The following PRAMEF33 variants were observed in gnomAD, a reference collection of about 807,000 sequenced individuals.
PRAMEF33 encodes the protein PRAME family member 33, also known as PRAME family member 10-like.
A neutral mutation model predicts 28.1 loss-of-function variants in PRAMEF33; 5 were observed. The observed-to-expected ratio is 0.18, with a 90% CI of 0.09 to 0.37. The LOEUF (loss-of-function observed/expected upper bound fraction) is 0.37, where lower values mean the gene tolerates loss of function less well. PRAMEF33 is among the 10% of genes least tolerant of loss of function. The pLI, the probability that PRAMEF33 is intolerant of heterozygous loss-of-function variation, is 1.00. For missense variants in PRAMEF33, 62 were observed against 471.1 expected, an observed-to-expected ratio of 0.13 and a Z score of 8.04; for synonymous variants, 28 against 183.2, an observed-to-expected ratio of 0.15 and a Z score of 6.84.
intron 1 of PRAMEF33, chr1:13,305,684 A>G: frequency 2.0e-6 from 1 of 499,678 alleles, no homozygotes; most frequent in Non-Finnish European, 3.5e-6. Flanking sequence ...CTATGAGTTT[A>G]TTGCAACAGT....
rs1639897527 is a variant in PRAMEF33 at position 13,308,584 on chromosome 1, C to G, written c.1122C>G (p.Ser374Arg). ...TCAGGGTCCTCCTGCCTGCCCTGAG[C>G]CACTGTTCCCAGCTCACCACCTTCA... ...PQLRVLLPAL[S>R]HCSQLTTFNF... The change falls in exon 4 of 4, where the codon AGC (serine) becomes AGG (arginine). Residue 374 changes from serine (S) to arginine (R), a missense_variant. Ser to Arg is a moderately radical substitution (Grantham distance 110). Transcript: ENST00000437300. 2 of 1,222,090 alleles carry G rather than the reference C, an allele frequency of 1.6e-6. No homozygotes were observed. The highest frequency in any genetic ancestry group is 3.3e-5 in the African/African-American group (2 of 60,370). 75.7% of individuals were successfully genotyped at this position (1,222,090 alleles called of 1,614,324 possible).
chr1:13,307,733 G>C (rs1182353308), intron 3 of PRAMEF33: 1 of 80,982 alleles, frequency 1.2e-5, no homozygotes, highest in Non-Finnish European at 2.5e-5. Context: ...AAATGTCACC[G>C]GGCATGCAGA....
intron 1 of PRAMEF33, chr1:13,305,161 C>T (rs2100290765): frequency 2.2e-5 from 1 of 45,982 alleles, no homozygotes; most frequent in South Asian, 7.5e-4. Flanking sequence ...CTCCTGGGTT[C>T]AAGCGATCCT....
rs1464065189 is a variant in PRAMEF33 at position 13,308,902 on chromosome 1, G to A, written c.*15G>A. ...TTTGCTCCTAGGGAAGGCCTGGTTC[G>A]TGGGATGGATAAGCTTTTTTCTGGA... On this transcript the variant is annotated 3_prime_UTR_variant, in exon 4 of 4. Transcript: ENST00000437300. 107 of 1,600,766 alleles carry A rather than the reference G, an allele frequency of 6.7e-5. 6 individuals are homozygous for A. Among genetic ancestry groups the A allele is most frequent in the African/African-American group, 1.2e-4 (9 of 72,840 alleles).
chr1:13,308,869 C>A lies in PRAMEF33; in HGVS notation c.1407C>A (p.Asp469Glu). ...GCTCATGGCCATCTGAGAAAGTGGACTTCCATCTTTGCTCCTAGGGAAGGC... is the reference window on the plus strand; with the variant it reads ...GCTCATGGCCATCTGAGAAAGTGGAATTCCATCTTTGCTCCTAGGGAAGGC... ...TCGSWPSEKV[D>E]FHLCS Residue 469 changes from aspartate to glutamate, a missense_variant, in exon 4 of 4, where the codon GAC (aspartate) becomes GAA (glutamate). Asp to Glu is a conservative substitution (Grantham distance 45). Coordinates refer to ENST00000437300, the MANE Select transcript of PRAMEF33 (RefSeq NM_001291381.1). 1.2e-6 allele frequency: 2 copies of A among 1,605,010 alleles called. No individual in the cohort carries two copies. The highest frequency in any genetic ancestry group is 1.4e-5 in the African/African-American group (1 of 73,484).
Position 13,308,062 on chromosome 1 carries a change from G to C in PRAMEF33, c.867-267G>C, listed in dbSNP as rs1188000363. ...AGTGGTACCAATCACACAGGCAAGG[G>C]TGAAAGGACTGAGCCTAAAATGGAG... On this transcript the variant is annotated intron_variant, in intron 3 of 3. Coordinates refer to ENST00000437300, the MANE Select transcript of PRAMEF33 (RefSeq NM_001291381.1). The C allele has an allele frequency of 1.6e-3, 644 of 392,404 alleles. 9 individuals are homozygous for C. The highest frequency in any genetic ancestry group is 2.5e-3 in the Non-Finnish European group (509 of 199,770). 24.3% of individuals were successfully genotyped at this position (392,404 alleles called of 1,614,324 possible).
At position 13,305,481 on chromosome 1, in the gene PRAMEF33, G is replaced by C. The variant is rs1370475630; in HGVS notation, c.-25-449G>C. The C allele has an allele frequency of 1.1e-5, 2 of 178,842 alleles. 1 individual carries two copies. The highest frequency in any genetic ancestry group is 5.9e-5 in the African/African-American group (2 of 33,746). 11.1% of individuals were successfully genotyped at this position (178,842 alleles called of 1,614,324 possible). On this transcript the variant is annotated intron_variant, in intron 1 of 3. Coordinates refer to ENST00000437300, the MANE Select transcript of PRAMEF33 (RefSeq NM_001291381.1). ...TTCTTGGTGAAATTTTCAATAATGAGTCCGGGAAGAGGATTACGCCTGTAA... is the reference window on the plus strand; with the variant it reads ...TTCTTGGTGAAATTTTCAATAATGACTCCGGGAAGAGGATTACGCCTGTAA...
chr1:13,304,213 C>A (rs1639835592), intron 1 of PRAMEF33: 1 of 150,856 alleles, frequency 6.6e-6, no homozygotes, highest in Non-Finnish European at 1.5e-5. Flanking sequence ...CAGCCATGAG[C>A]CACTGGTGCT....
At position 13,308,794 on chromosome 1, in the gene PRAMEF33, C is replaced by T; in HGVS notation, c.1332C>T (p.Val444=). Residue 444 remains valine, a synonymous_variant, in exon 4 of 4, where the codon GTC becomes GTT. Coordinates refer to ENST00000437300, the MANE Select transcript of PRAMEF33 (RefSeq NM_001291381.1). ...AGCTGATGCGTACACTCAGGGAAGT[C>T]AGGCAGCCCAAGAGGATCTTCTTTG... ...RAELMRTLRE[V]RQPKRIFFGP... is the part of the protein sequence containing the mutation. 1 of 1,598,976 alleles carries T rather than the reference C, an allele frequency of 6.3e-7. No homozygotes were observed. The highest frequency in any genetic ancestry group is 2.3e-5 in the East Asian group (1 of 44,394).
rs1478108896 is a variant in PRAMEF33 at position 13,306,159 on chromosome 1, C to CT, written c.206dup (p.Met70AspfsTer17). 6.6e-7 allele frequency: 1 copy of CT among 1,516,436 alleles called. No homozygotes were observed. The highest frequency in any genetic ancestry group is 9.1e-7 in the Non-Finnish European group (1 of 1,102,552). The allele number at this position is 1,516,436 out of a possible 1,614,324, so 93.9% of individuals were successfully genotyped here. On this transcript the variant is annotated frameshift_variant, in exon 2 of 4. Coordinates refer to ENST00000437300, the MANE Select transcript of PRAMEF33 (RefSeq NM_001291381.1). LOFTEE classifies it high-confidence loss of function. ...CTTCCTCCGCCTCCCTCTGGGATCC[C>CT]TGATGAAGACACCTCATCTGGAGAC...
Position 13,304,111 on chromosome 1 carries a change from A to C in PRAMEF33, c.-26+525A>C, listed in dbSNP as rs1442595447. ...CCTGGCTACTTTTTGTATTTTTAGT[A>C]GAGGTGGGGTTTCACCATGCTGGCC... is the stretch of plus-strand genomic sequence containing the variant. On this transcript the variant is annotated intron_variant, in intron 1 of 3. Coordinates refer to ENST00000437300, the MANE Select transcript of PRAMEF33 (RefSeq NM_001291381.1). The C allele has an allele frequency of 3.3e-5, 5 of 151,276 alleles. 1 individual carries two copies. Among genetic ancestry groups the C allele is most frequent in the Non-Finnish European group, 5.9e-5 (4 of 67,636 alleles). 9.4% of individuals were successfully genotyped at this position (151,276 alleles called of 1,614,324 possible). A position where few individuals can be genotyped will look rare whatever the true frequency, so the allele number is the denominator to read the frequency against.
intron 1 of PRAMEF33, chr1:13,305,496 T>C: frequency 1.1e-5 from 2 of 180,922 alleles, no homozygotes; most frequent in Admixed American, 1.1e-4. Context: ...GGAAGAGGAT[T>C]ACGCCTGTAA....
At chr1:13,304,009 C>T (rs1639832901) in intron 1 of PRAMEF33, 1 of 151,060 alleles carries the variant, frequency 6.6e-6, no homozygotes, top group African/African-American at 2.4e-5. Flanking sequence ...ATCATTGCAA[C>T]CTCTGCCTCC....
At chr1:13,304,221 G>A (rs1639835730) in intron 1 of PRAMEF33, 1 of 150,618 alleles carries the variant, frequency 6.6e-6, no homozygotes, top group Non-Finnish European at 1.5e-5. Context: ...AGCCACTGGT[G>A]CTTGGCCTCT....
chr1:13,305,758 T>A, intron 1 of PRAMEF33, 172 bp from the exon 2 acceptor site: 1 of 580,948 alleles, frequency 1.7e-6, no homozygotes. Context: ...CACACTCTTC[T>A]TGGTACCAGA....
At chr1:13,303,949 A>G (rs1212128595) in intron 1 of PRAMEF33, 1 of 146,844 alleles carries the variant, frequency 6.8e-6, no homozygotes, top group South Asian at 2.2e-4. Context: ...TGAAGGGGGG[A>G]TGGAGTCTCG....
chr1:13,306,156 TC>T lies in PRAMEF33; in HGVS notation c.205del (p.Leu69Ter). On this transcript the variant is annotated frameshift_variant, in exon 2 of 4. Coordinates refer to ENST00000437300, the MANE Select transcript of PRAMEF33 (RefSeq NM_001291381.1). LOFTEE classifies it high-confidence loss of function. ...GCCCTTCCTCCGCCTCCCTCTGGGATCCCTGATGAAGACACCTCATCTGGAG... is the reference window on the plus strand; with the variant it reads ...GCCCTTCCTCCGCCTCCCTCTGGGATCCTGATGAAGACACCTCATCTGGAG... ...AWPFLRLPLG[S>X]LMKTPHLETL... 1 of 1,522,134 alleles carries T rather than the reference TC, an allele frequency of 6.6e-7. No homozygotes were observed. The highest frequency in any genetic ancestry group is 9.0e-7 in the Non-Finnish European group (1 of 1,106,586). 94.3% of individuals were successfully genotyped at this position (1,522,134 alleles called of 1,614,324 possible).
intron 1 of PRAMEF33, chr1:13,303,946 G>A (rs1347570488): frequency 6.8e-6 from 1 of 147,528 alleles, no homozygotes; most frequent in African/African-American, 2.5e-5. Context: ...TATTGAAGGG[G>A]GGATGGAGTC....
Sources: gnomAD v4.1 joint callset for allele counts on GRCh38, gnomAD v4.1.1 for gene constraint, MANE v1.5 for transcripts, NCBI Gene and HGNC (gene_info 2026-07-23, HGNC 2026-07-21) for gene names.